The following WDFY4 variants were observed in gnomAD, a reference collection of about 807,000 sequenced individuals.
The protein encoded by WDFY4 is WD repeat- and FYVE domain-containing protein 4.
A neutral mutation model predicts 351.9 loss-of-function variants in WDFY4; 169 were observed. The observed-to-expected ratio is 0.48, with a 90% CI of 0.42 to 0.55. The LOEUF is 0.55. Ranked by LOEUF, WDFY4 falls within the 20% of genes least tolerant of loss-of-function variation. The pLI is 0.00. For synonymous variants in WDFY4, 1,622 were observed against 1,574.6 expected (o/e 1.03, Z -0.71); for missense variants, 3,803 against 3,935.6 (o/e 0.97, Z 0.90).
chr10:48,969,032 T>C (rs372759879), intron 55 of WDFY4, 32 bp from the exon 56 acceptor site: 2 of 1,545,798 alleles, frequency 1.3e-6, no homozygotes, highest in African/African-American at 1.4e-5. Context: ...TGTTCTTCCA[T>C]GCATAAGTTC....
chr10:48,966,702 G>C (rs1019269778), intron 55 of WDFY4, 29 bp downstream of exon 55: 7 of 1,547,212 alleles, frequency 4.5e-6, no homozygotes, highest in Non-Finnish European at 6.1e-6. Context: ...ATTGTTTGGT[G>C]TCCTGTCCCA....
intron 13 of WDFY4, among the ~76,000 whole-genome samples, chr10:48,773,228 G>A (rs973332138): frequency 6.6e-6 from 1 of 152,216 alleles, no homozygotes; most frequent in Non-Finnish European, 1.5e-5. Flanking sequence ...ATTGTGGAGG[G>A]CAGTTCTGCA....
chr10:48,800,786 G>C (rs1423879330), intron 24 of WDFY4, among the ~76,000 whole-genome samples: 2 of 147,816 alleles, frequency 1.4e-5, no homozygotes, highest in African/African-American at 5.0e-5. Flanking sequence ...AGGCTGGAGG[G>C]CAGTGGTGCG....
At chr10:48,883,769 G>A (rs2070351042) in intron 43 of WDFY4, among the ~76,000 whole-genome samples, 1 of 152,208 alleles carries the variant, frequency 6.6e-6, no homozygotes. Context: ...TCCTGGCCCT[G>A]GGGGATGCTG....
intron 39 of WDFY4, among the ~76,000 whole-genome samples, chr10:48,840,874 C>T (rs1223554389): frequency 2.6e-5 from 4 of 152,132 alleles, no homozygotes; most frequent in Admixed American, 2.0e-4. Context: ...AACACTGATA[C>T]CTTTAATGAT....
At chr10:48,725,516 G>T (rs531713291) in intron 5 of WDFY4, among the ~76,000 whole-genome samples, 2 of 152,316 alleles carry the variant, frequency 1.3e-5, no homozygotes, top group South Asian at 4.1e-4. Context: ...AAGGAATTCT[G>T]AAACACTTCC....
chr10:48,930,879 T>G (rs751528408), intron 47 of WDFY4, among the ~76,000 whole-genome samples: 9 of 152,146 alleles, frequency 5.9e-5, no homozygotes, highest in African/African-American at 1.2e-4. Context: ...GTGAGCCCTG[T>G]GTTCTCTGGC....
At chr10:48,788,444 G>A in intron 20 of WDFY4, 86 bp from the exon 21 acceptor site, 2 of 1,433,044 alleles carry the variant, frequency 1.4e-6, no homozygotes, top group South Asian at 1.4e-5. Context: ...TTACTTTGCT[G>A]TGTGACAGAG....
chr10:48,847,146 C>T (rs2068802417), intron 39 of WDFY4, among the ~76,000 whole-genome samples: 1 of 152,152 alleles, frequency 6.6e-6, no homozygotes. Flanking sequence ...GATGGAGGGG[C>T]TGGTTTCCCC....
chr10:48,975,465 C>T (rs983263710), intron 58 of WDFY4, among the ~76,000 whole-genome samples: 5 of 152,132 alleles, frequency 3.3e-5, no homozygotes, highest in East Asian at 1.9e-4. Flanking sequence ...ATCGACTTAC[C>T]GGTGTGAAAT....
At chr10:48,910,857 G>A (rs527927412) in intron 47 of WDFY4, 17 of 965,258 alleles carry the variant, frequency 1.8e-5, no homozygotes, top group East Asian at 1.1e-4. Flanking sequence ...AAGGGAGGAC[G>A]TGGACCAGCA....
At chr10:48,702,561 C>A (rs562177231) in intron 1 of WDFY4, among the ~76,000 whole-genome samples, 1 of 152,050 alleles carries the variant, frequency 6.6e-6, no homozygotes, top group Non-Finnish European at 1.5e-5. Context: ...GGGTGTTAGC[C>A]GTGTGTTCCT....
intron 2 of WDFY4, among the ~76,000 whole-genome samples, chr10:48,711,059 G>A (rs1370590911): frequency 6.6e-6 from 1 of 152,236 alleles, no homozygotes; most frequent in Non-Finnish European, 1.5e-5. Context: ...TTTGAAAGTA[G>A]ACTATGGCAG....
intron 13 of WDFY4, among the ~76,000 whole-genome samples, chr10:48,762,792 G>A (rs892032342): frequency 2.6e-5 from 4 of 152,200 alleles, no homozygotes; most frequent in Non-Finnish European, 2.9e-5. Context: ...CAGTGGCTCC[G>A]GGCCCCCACA....
intron 24 of WDFY4, among the ~76,000 whole-genome samples, chr10:48,798,784 T>C (rs986193585): frequency 6.6e-6 from 1 of 151,822 alleles, no homozygotes; most frequent in Non-Finnish European, 1.5e-5. Flanking sequence ...GAACAGAAAA[T>C]GAAAAAGTAC....
In WDFY4 at chr10:48,810,854, C is replaced by G. The variant is rs971864156; in HGVS notation, c.5044+119C>G. 6 of 1,070,434 alleles carry G rather than the reference C, an allele frequency of 5.6e-6. No homozygotes were observed. In the African/African-American group the frequency reaches 9.6e-5, roughly 17 times the overall value. 66.3% of individuals were successfully genotyped at this position (1,070,434 alleles called of 1,614,324 possible). A position where few individuals can be genotyped will look rare whatever the true frequency, so the allele number is the denominator to read the frequency against. ...ACAGCTCTGTGCAGCAGGATCACCT[C>G]GAGCCCTGACTCCAAGGCCTACATC... is the stretch of plus-strand genomic sequence containing the variant. On this transcript the variant is annotated intron_variant, in intron 29 of 61. Coordinates refer to ENST00000325239, the MANE Select transcript of WDFY4 (RefSeq NM_001394531.1).
intron 35 of WDFY4, 106 bp downstream of exon 35, chr10:48,822,643 T>A: frequency 7.6e-7 from 1 of 1,322,628 alleles, no homozygotes. Flanking sequence ...TGGAGTAGAA[T>A]CTGAGCCAGG....
At chr10:48,896,980 C>T (rs554480538) in intron 44 of WDFY4, among the ~76,000 whole-genome samples, 11 of 151,716 alleles carry the variant, frequency 7.3e-5, no homozygotes, top group South Asian at 2.1e-4. Context: ...GCTGGCACAG[C>T]GCCAGGCTGG....
At position 48,923,929 on chromosome 10, in the gene WDFY4, C is replaced by T. The variant is rs534324171; in HGVS notation, c.7587-17877C>T. ...AATGGGACATCCAGCCAGTTGGGCC[C>T]AGCTGTGCCGGTTGCCCACAGCCCA... is the stretch of plus-strand genomic sequence containing the variant. On this transcript the variant is annotated intron_variant, in intron 47 of 61. Coordinates refer to ENST00000325239, the MANE Select transcript of WDFY4 (RefSeq NM_001394531.1). Among the ~76,000 whole-genome samples, 131 of 152,328 alleles carry T rather than the reference C, an allele frequency of 8.6e-4. No individual in the cohort carries two copies. In the Middle Eastern group the frequency reaches 0.02, roughly 24 times the overall value.
Sources: allele counts gnomAD v4.1 joint callset (sites outside exome capture counted in the v4.1 genomes callset), GRCh38; gene constraint gnomAD v4.1.1; transcripts MANE v1.5; gene names NCBI Gene and HGNC (gene_info 2026-07-23, HGNC 2026-07-21).